SNAP25: variants seen among roughly 807,000 people sequenced by gnomAD.
SNAP25 encodes synaptosomal-associated protein 25.
Under a neutral mutation model 28.7 loss-of-function variants are expected in SNAP25, and 3 were observed. That is an observed-to-expected ratio of 0.10 (90% confidence interval 0.05 to 0.27). The LOEUF is 0.27. Ranked by LOEUF, SNAP25 falls within the 10% of genes least tolerant of loss-of-function variation. SNAP25 has a pLI of 1.00. For missense variants in SNAP25, 117 were observed against 278.7 expected (o/e 0.42, Z 4.13); for synonymous variants, 61 against 88.1 (o/e 0.69, Z 1.72).
intron 1 of SNAP25, among the ~76,000 whole-genome samples, chr20:10,259,315 G>A (rs1224509259): frequency 6.6e-6 from 1 of 152,168 alleles, no homozygotes; most frequent in Non-Finnish European, 1.5e-5. Flanking sequence ...GCTCCTTCCT[G>A]GGAGTTTGCT....
intron 1 of SNAP25, among the ~76,000 whole-genome samples, chr20:10,272,355 G>A (rs550008929): frequency 3.3e-5 from 5 of 152,262 alleles, no homozygotes; most frequent in South Asian, 2.1e-4. Context: ...GCTTCTGAGC[G>A]CCAGAGCCAG....
chr20:10,279,406 G>A (rs777190056), intron 3 of SNAP25, among the ~76,000 whole-genome samples: 1 of 151,870 alleles, frequency 6.6e-6, no homozygotes, highest in African/African-American at 2.4e-5. Flanking sequence ...TTTTGGTTAC[G>A]TGTGTGCACA....
At chr20:10,277,447 GTT>G (rs1287808389) in intron 2 of SNAP25, among the ~76,000 whole-genome samples, 1 of 152,146 alleles carries the variant, frequency 6.6e-6, no homozygotes, top group Non-Finnish European at 1.5e-5. Flanking sequence ...GCTTCATATG[GTT>G]TTTATTTTCT....
At chr20:10,258,031 T>C (rs7263944) in intron 1 of SNAP25, among the ~76,000 whole-genome samples, 3 of 152,320 alleles carry the variant, frequency 2.0e-5, no homozygotes, top group Non-Finnish European at 4.4e-5. Context: ...ACATCTTTCA[T>C]TTGACATACT....
chr20:10,275,475 C>T lies in SNAP25; in HGVS notation c.-17C>T. Reference sequence around the variant, plus strand: ...TGACCCCCCAGCCCAGGCGCCCAGCCACTCCCCACCGCTACCATGGCCGAA... The same window carrying T: ...TGACCCCCCAGCCCAGGCGCCCAGCTACTCCCCACCGCTACCATGGCCGAA... On this transcript the variant is annotated 5_prime_UTR_variant, in exon 2 of 8. Coordinates refer to ENST00000254976, the MANE Select transcript of SNAP25 (RefSeq NM_130811.4). 1.3e-6 allele frequency: 2 copies of T among 1,596,228 alleles called. No individual in the cohort carries two copies. Among genetic ancestry groups the T allele is most frequent in the Non-Finnish European group, 8.5e-7 (1 of 1,171,110 alleles).
chr20:10,289,643 T>C (rs947132620), intron 4 of SNAP25, among the ~76,000 whole-genome samples: 1 of 150,320 alleles, frequency 6.7e-6, no homozygotes, highest in Non-Finnish European at 1.5e-5. Flanking sequence ...TTCTATATGT[T>C]CATAAATGCT....
chr20:10,267,472 G>A (rs1258049964), intron 1 of SNAP25, among the ~76,000 whole-genome samples: 2 of 152,198 alleles, frequency 1.3e-5, no homozygotes, highest in South Asian at 2.1e-4. Context: ...ATTTACTGAG[G>A]TGAACCTGTC....
intron 1 of SNAP25, among the ~76,000 whole-genome samples, chr20:10,261,123 CAG>C (rs1600706111): frequency 6.6e-6 from 1 of 152,148 alleles, no homozygotes; most frequent in East Asian, 1.9e-4. Context: ...TTGCAGTAAC[CAG>C]AGTCATGCTC....
At chr20:10,266,356 C>T (rs1260137664) in intron 1 of SNAP25, among the ~76,000 whole-genome samples, 1 of 152,196 alleles carries the variant, frequency 6.6e-6, no homozygotes, top group Non-Finnish European at 1.5e-5. Context: ...GCACCAAACC[C>T]ATTTTTGATC....
chr20:10,246,718 G>C (rs1043266970), intron 1 of SNAP25, among the ~76,000 whole-genome samples: 1 of 152,194 alleles, frequency 6.6e-6, no homozygotes, highest in African/African-American at 2.4e-5. Context: ...TGCCCTTCAA[G>C]TGGAGAGAGA....
At chr20:10,271,303 AG>A (rs1373414338) in intron 1 of SNAP25, among the ~76,000 whole-genome samples, 3 of 152,316 alleles carry the variant, frequency 2.0e-5, no homozygotes, top group African/African-American at 7.2e-5. Flanking sequence ...TGGGGTTTAT[AG>A]GAACAATTTA....
intron 7 of SNAP25, among the ~76,000 whole-genome samples, chr20:10,304,045 G>A (rs1228140630): frequency 3.3e-5 from 5 of 152,114 alleles, no homozygotes; most frequent in South Asian, 2.1e-4. Flanking sequence ...TGAGCCCTTC[G>A]TTTTGCAAAA....
intron 1 of SNAP25, among the ~76,000 whole-genome samples, chr20:10,228,488 T>G (rs1280963339): frequency 6.6e-6 from 1 of 151,808 alleles, no homozygotes; most frequent in Non-Finnish European, 1.5e-5. Flanking sequence ...AATAGCCAGG[T>G]GAGATATGGT....
At chr20:10,262,488 G>A (rs2063430775) in intron 1 of SNAP25, among the ~76,000 whole-genome samples, 1 of 152,164 alleles carries the variant, frequency 6.6e-6, no homozygotes, top group African/African-American at 2.4e-5. Flanking sequence ...CAGCCAAGCT[G>A]AGAACACAGA....
At chr20:10,250,152 T>C (rs1406032718) in intron 1 of SNAP25, among the ~76,000 whole-genome samples, 2 of 152,244 alleles carry the variant, frequency 1.3e-5, no homozygotes, top group Non-Finnish European at 2.9e-5. Flanking sequence ...TTTCCGTCAT[T>C]CCCTTTCAAA....
At chr20:10,284,842 A>G in intron 4 of SNAP25, 70 bp downstream of exon 4, 3 of 1,251,660 alleles carry the variant, frequency 2.4e-6, no homozygotes, top group African/African-American at 3.0e-5. Flanking sequence ...TTATTTGTGC[A>G]TACGCAGATG....
At chr20:10,276,819 T>C (rs756791645) in intron 2 of SNAP25, among the ~76,000 whole-genome samples, 32 of 152,230 alleles carry the variant, frequency 2.1e-4, no homozygotes, top group Non-Finnish European at 4.4e-4. Context: ...ATAATAAACT[T>C]GAATACATGT....
chr20:10,271,513 A>T (rs1043454132), intron 1 of SNAP25, among the ~76,000 whole-genome samples: 1 of 152,200 alleles, frequency 6.6e-6, no homozygotes, highest in African/African-American at 2.4e-5. Flanking sequence ...AAGGTGTGGG[A>T]GTTCCTGGGG....
At chr20:10,305,051 T>A (rs980920943) in intron 7 of SNAP25, among the ~76,000 whole-genome samples, 1 of 152,214 alleles carries the variant, frequency 6.6e-6, no homozygotes, top group Non-Finnish European at 1.5e-5. Context: ...GTCTCATCAA[T>A]TTTAACTTTT....
Sources: gnomAD v4.1 joint callset for allele counts (sites outside exome capture counted in the v4.1 genomes callset) on GRCh38, gnomAD v4.1.1 for gene constraint, MANE v1.5 for transcripts, NCBI Gene and HGNC (gene_info 2026-07-23, HGNC 2026-07-21) for gene names.